FAM107B: variants seen among roughly 807,000 people sequenced by gnomAD.
The protein encoded by FAM107B is family with sequence similarity 107 member B.
Under a neutral mutation model 31.5 loss-of-function variants are expected in FAM107B, and 21 were observed. The observed-to-expected ratio is 0.67, with a 90% CI of 0.47 to 0.96. The LOEUF (loss-of-function observed/expected upper bound fraction) is 0.96. Ranked by LOEUF, FAM107B falls within the 40% of genes least tolerant of loss-of-function variation. FAM107B has a pLI of 0.00. For synonymous variants in FAM107B, 157 were observed against 141.5 expected, an observed-to-expected ratio of 1.11 and a Z score of -0.78; for missense variants, 452 against 377.1, an observed-to-expected ratio of 1.20 and a Z score of -1.64.
At chr10:14,711,684 C>T (rs778203082) in intron 1 of FAM107B, among the ~76,000 whole-genome samples, 13 of 152,164 alleles carry the variant, frequency 8.5e-5, no homozygotes, top group Non-Finnish European at 1.3e-4. Flanking sequence ...CGTTCTGTCG[C>T]GCAGGCTGGG....
In FAM107B at chr10:14,521,739, T is replaced by C. The variant is rs993354971; in HGVS notation, c.804+130A>G. 3.7e-6 allele frequency: 5 copies of C among 1,349,108 alleles called. No individual in the cohort carries two copies. In the East Asian group the frequency reaches 7.0e-5, roughly 19 times the overall value. 83.6% of individuals were successfully genotyped at this position (1,349,108 alleles called of 1,614,324 possible). On this transcript the variant is annotated intron_variant, in intron 4 of 4. Transcript: ENST00000181796. ...CATATTTGACCCCATTTGCTGACAT[T>C]TGTCTCCAATATTTCTTTCATGGTA...
intron 1 of FAM107B, among the ~76,000 whole-genome samples, chr10:14,716,845 T>G (rs1855789778): frequency 1.3e-5 from 2 of 152,104 alleles, no homozygotes; most frequent in Admixed American, 6.5e-5. Flanking sequence ...ATCCCAGAAC[T>G]TTGGGAGGAC....
At position 14,719,266 on chromosome 10, in the gene FAM107B, T is replaced by C. The variant is rs576465305; in HGVS notation, c.412-51575A>G. Among the ~76,000 whole-genome samples the C allele has an allele frequency of 1.2e-4, 18 of 152,328 alleles. No individual in the cohort carries two copies. The East Asian group carries it at 3.5e-3, about 29-fold the overall frequency. On this transcript the variant is annotated intron_variant, in intron 1 of 4. Coordinates refer to ENST00000181796, the MANE Select transcript of FAM107B (RefSeq NM_031453.4). ...TTCCAGCCAGGGACGCATTCTCTCC[T>C]GGCCCTATTTTCTTGCCTCTAAAAT...
At chr10:14,639,870 T>C (rs1853588937) in intron 2 of FAM107B, among the ~76,000 whole-genome samples, 1 of 152,232 alleles carries the variant, frequency 6.6e-6, no homozygotes, top group East Asian at 1.9e-4. Context: ...ACACTGCTGC[T>C]ACTACCCGGA....
rs1845425147 is a variant in FAM107B, at chr10:14,519,424, C to G, written c.*1766G>C. The G allele has an allele frequency of 6.6e-6, 1 of 152,194 alleles. No homozygotes were observed. The highest frequency in any genetic ancestry group is 1.5e-5 in the Non-Finnish European group (1 of 68,032). 9.4% of individuals were successfully genotyped at this position (152,194 alleles called of 1,614,324 possible). A position where few individuals can be genotyped will look rare whatever the true frequency, so the allele number is the denominator to read the frequency against. Reference sequence around the variant, plus strand: ...TCAGAAATGGGCTTTTCAAGATCATCAGTCATCACACTTCCTTCTCTCAAA... The same window carrying G: ...TCAGAAATGGGCTTTTCAAGATCATGAGTCATCACACTTCCTTCTCTCAAA... On this transcript the variant is annotated 3_prime_UTR_variant, in exon 5 of 5. Transcript: ENST00000181796.
intron 1 of FAM107B, among the ~76,000 whole-genome samples, chr10:14,767,093 G>GAGAGAGAC (rs1564295881): frequency 1.8e-5 from 2 of 110,994 alleles, no homozygotes; most frequent in African/African-American, 4.2e-5. Flanking sequence ...GAGAGAGAGA[G>GAGAGAGAC]AGAGAGACAG....
chr10:14,610,695 G>A (rs1852704272), intron 2 of FAM107B, among the ~76,000 whole-genome samples: 1 of 152,192 alleles, frequency 6.6e-6, no homozygotes, highest in South Asian at 2.1e-4. Flanking sequence ...CTCTGTGCAT[G>A]AGCATTTGTG....
chr10:14,656,108 G>A (rs940947914), intron 2 of FAM107B, among the ~76,000 whole-genome samples: 16 of 152,118 alleles, frequency 1.1e-4, no homozygotes, highest in Non-Finnish European at 1.8e-4. Context: ...GTGCAGGAAC[G>A]ACTTTAGGAC....
chr10:14,563,535 C>T (rs78189989), intron 2 of FAM107B, among the ~76,000 whole-genome samples: 1,997 of 151,976 alleles, frequency 0.013, 42 homozygotes, highest in Non-Finnish European at 0.014. Flanking sequence ...CTTAACTATT[C>T]CTCTATCGTC....
chr10:14,715,615 C>T (rs1020798670), intron 1 of FAM107B, among the ~76,000 whole-genome samples: 1 of 152,138 alleles, frequency 6.6e-6, no homozygotes, highest in Admixed American at 6.6e-5. Context: ...ACCTGTCCTC[C>T]CCAGCATAGG....
intron 1 of FAM107B, among the ~76,000 whole-genome samples, chr10:14,732,418 G>A (rs951589292): frequency 1.3e-5 from 2 of 152,122 alleles, no homozygotes; most frequent in Non-Finnish European, 1.5e-5. Flanking sequence ...ATGTTGGTTC[G>A]GCCATTTACT....
rs529917880 is a variant in FAM107B, at chr10:14,764,760, C to T, written c.411+9493G>A. 3.2e-3 allele frequency among the ~76,000 whole-genome samples: 491 copies of T among 152,294 alleles called. 5 individuals carry two copies. The highest frequency in any genetic ancestry group is 0.011 in the African/African-American group (473 of 41,558). ...CCCCTATGGTTCCTAGACCGTAAGA[C>T]ATTTTAAAGTTTCCAACATACCCAG... On this transcript the variant is annotated intron_variant, in intron 1 of 4. Coordinates refer to ENST00000181796, the MANE Select transcript of FAM107B (RefSeq NM_031453.4).
chr10:14,725,859 T>G (rs1372418486), intron 1 of FAM107B, among the ~76,000 whole-genome samples: 1 of 138,272 alleles, frequency 7.2e-6, no homozygotes, highest in African/African-American at 2.8e-5. Flanking sequence ...GGAGTCTTGC[T>G]CTGTTGCCCA....
intron 1 of FAM107B, among the ~76,000 whole-genome samples, chr10:14,683,356 C>T (rs927174278): frequency 3.3e-5 from 5 of 152,130 alleles, no homozygotes; most frequent in Non-Finnish European, 7.3e-5. Flanking sequence ...TGTTCCACAC[C>T]GTTAGGGAAG....
At chr10:14,525,782 G>C (rs1341616250) in intron 3 of FAM107B, among the ~76,000 whole-genome samples, 1 of 152,208 alleles carries the variant, frequency 6.6e-6, no homozygotes, top group African/African-American at 2.4e-5. Flanking sequence ...CTGTTGGCTA[G>C]ATTCATAGAA....
chr10:14,701,501 TC>T (rs1291018478), intron 1 of FAM107B, among the ~76,000 whole-genome samples: 1 of 152,140 alleles, frequency 6.6e-6, no homozygotes, highest in Non-Finnish European at 1.5e-5. Flanking sequence ...CACCTCGGCC[TC>T]CCAAAGTGCT....
At chr10:14,567,290 G>A (rs1180126999) in intron 2 of FAM107B, among the ~76,000 whole-genome samples, 1 of 152,176 alleles carries the variant, frequency 6.6e-6, no homozygotes, top group African/African-American at 2.4e-5. Flanking sequence ...AGGCCCAAGA[G>A]CAGGCGGATT....
chr10:14,637,321 C>A (rs960887548), intron 2 of FAM107B, among the ~76,000 whole-genome samples: 26 of 152,080 alleles, frequency 1.7e-4, no homozygotes, highest in Non-Finnish European at 5.9e-5. Context: ...GTAGGCAGGA[C>A]CTGTAACTTG....
intron 1 of FAM107B, among the ~76,000 whole-genome samples, chr10:14,759,211 A>C (rs1832992595): frequency 6.6e-6 from 1 of 151,786 alleles, no homozygotes; most frequent in African/African-American, 2.4e-5. Flanking sequence ...TAAATAAATA[A>C]ATAAATAAAT....
Sources: allele counts gnomAD v4.1 joint callset (sites outside exome capture counted in the v4.1 genomes callset), GRCh38; gene constraint gnomAD v4.1.1; transcripts MANE v1.5; gene names NCBI Gene and HGNC (gene_info 2026-07-23, HGNC 2026-07-21).